Variants in WAC observed in about 807,000 individuals in gnomAD.
The protein encoded by WAC is WW domain-containing adapter protein with coiled-coil.
A neutral mutation model predicts 79.6 loss-of-function variants in WAC; 11 were observed. That is an observed-to-expected ratio of 0.14 (90% CI 0.09 to 0.23). The LOEUF (loss-of-function observed/expected upper bound fraction) is 0.23, where lower values mean the gene tolerates loss of function less well. Ranked by LOEUF, WAC falls within the 10% of genes least tolerant of loss-of-function variation. WAC has a pLI of 1.00. For missense variants in WAC, 728 were observed against 773.5 expected (o/e 0.94, Z 0.70); for synonymous variants, 304 against 276.9 (o/e 1.10, Z -0.97).
At position 28,611,258 on chromosome 10, in the gene WAC, T is replaced by G. The variant is rs763762988; in HGVS notation, c.1288+437T>G. 8 of 1,292,698 alleles carry G rather than the reference T, an allele frequency of 6.2e-6. No homozygotes were observed. The South Asian group carries it at 9.9e-5, about 16-fold the overall frequency. The allele number at this position is 1,292,698 out of a possible 1,614,324, so 80.1% of individuals were successfully genotyped here. Reference sequence around the variant, plus strand: ...CTCATTTTCTGCCTTGAATTAGATATCCCTCTTCATGAAGGTATCCAAATG... The same window carrying G: ...CTCATTTTCTGCCTTGAATTAGATAGCCCTCTTCATGAAGGTATCCAAATG... On this transcript the variant is annotated intron_variant, in intron 9 of 13. Coordinates refer to ENST00000354911, the MANE Select transcript of WAC (RefSeq NM_016628.5).
rs1266255645 is a variant in WAC at position 28,622,991 on chromosome 10, GTAAT to G, written c.*3386_*3389del. The G allele has an allele frequency of 1.3e-5, 2 of 152,142 alleles. No individual in the cohort carries two copies. Among genetic ancestry groups the G allele is most frequent in the African/African-American group, 4.8e-5 (2 of 41,422 alleles). The allele number at this position is 152,142 out of a possible 1,614,324, so 9.4% of individuals were successfully genotyped here. A position where few individuals can be genotyped will look rare whatever the true frequency, so the allele number is the denominator to read the frequency against. On this transcript the variant is annotated 3_prime_UTR_variant, in exon 14 of 14. Transcript: ENST00000354911. ...GGAGTGTACAAAATGACACTGAAAAGTAATAAATATGTTTTGACTATATTGTGCA... is the reference window on the plus strand; with the variant it reads ...GGAGTGTACAAAATGACACTGAAAAGAAATATGTTTTGACTATATTGTGCA...
At chr10:28,576,450 A>ATT (rs921183197) in intron 3 of WAC, among the ~76,000 whole-genome samples, 2 of 152,220 alleles carry the variant, frequency 1.3e-5, no homozygotes, top group African/African-American at 4.8e-5. Flanking sequence ...AGGCAGATGT[A>ATT]TTATATATAT....
chr10:28,598,709 A>C (rs1026673451), intron 7 of WAC, among the ~76,000 whole-genome samples: 1 of 152,190 alleles, frequency 6.6e-6, no homozygotes, highest in Admixed American at 6.5e-5. Context: ...TCTTTCCTCA[A>C]AACCAAATGT....
At chr10:28,609,985 G>A (rs1201255063) in intron 8 of WAC, among the ~76,000 whole-genome samples, 2 of 137,574 alleles carry the variant, frequency 1.5e-5, no homozygotes, top group Admixed American at 7.9e-5. Flanking sequence ...AGGCTGGAGT[G>A]CAGTGGTGCA....
chr10:28,556,529 T>G (rs1289409554), intron 3 of WAC, among the ~76,000 whole-genome samples: 4 of 151,870 alleles, frequency 2.6e-5, no homozygotes, highest in African/African-American at 4.8e-5. Context: ...TTGTTGATTT[T>G]TTTCTTTTTT....
rs1036314845 is a variant in WAC, at chr10:28,620,932, G to A, written c.*1326G>A. The A allele has an allele frequency of 6.6e-6, 1 of 152,062 alleles. No homozygotes were observed. The highest frequency in any genetic ancestry group is 1.5e-5 in the Non-Finnish European group (1 of 68,018). 9.4% of individuals were successfully genotyped at this position (152,062 alleles called of 1,614,324 possible). Reference sequence around the variant, plus strand: ...TGTTATCTGGAAATAGCAGGAAAGCGCAGCTTTGTATATTGTTTCCTAAAG... The same window carrying A: ...TGTTATCTGGAAATAGCAGGAAAGCACAGCTTTGTATATTGTTTCCTAAAG... On this transcript the variant is annotated 3_prime_UTR_variant, in exon 14 of 14. Coordinates refer to ENST00000354911, the MANE Select transcript of WAC (RefSeq NM_016628.5).
chr10:28,541,869 GTGTT>G (rs1837071456), intron 3 of WAC, among the ~76,000 whole-genome samples: 1 of 152,062 alleles, frequency 6.6e-6, no homozygotes, highest in African/African-American at 2.4e-5. Context: ...GAGCCCCCTA[GTGTT>G]CCCGAGTCCA....
chr10:28,606,013 T>C (rs1840923560), intron 7 of WAC, among the ~76,000 whole-genome samples: 1 of 151,854 alleles, frequency 6.6e-6, no homozygotes. Context: ...TGCTCTATAA[T>C]TGATTGCCCC....
chr10:28,605,359 G>A (rs1048137942), intron 7 of WAC, among the ~76,000 whole-genome samples: 74 of 152,300 alleles, frequency 4.9e-4, no homozygotes, highest in African/African-American at 1.8e-3. Flanking sequence ...AGTAAATGTG[G>A]CTTGGAGCCC....
chr10:28,543,763 C>T (rs1223793835), intron 3 of WAC, among the ~76,000 whole-genome samples: 1 of 152,144 alleles, frequency 6.6e-6, no homozygotes, highest in African/African-American at 2.4e-5. Context: ...AGAAAGTCAC[C>T]TTGTATCTTC....
chr10:28,534,199 G>A, intron 2 of WAC, 165 bp downstream of exon 2: 1 of 601,902 alleles, frequency 1.7e-6, no homozygotes, highest in Non-Finnish European at 2.8e-6. Context: ...TTCCTTTAGC[G>A]CTCTCCAGCA....
chr10:28,600,074 A>T (rs951497241), intron 7 of WAC, among the ~76,000 whole-genome samples: 5 of 152,288 alleles, frequency 3.3e-5, no homozygotes, highest in Non-Finnish European at 7.4e-5. Context: ...AGGAGAGTTT[A>T]ATATCCTTAT....
intron 3 of WAC, among the ~76,000 whole-genome samples, chr10:28,545,294 C>T (rs546026705): frequency 3.7e-4 from 56 of 152,064 alleles, no homozygotes; most frequent in Middle Eastern, 3.4e-3. Context: ...GAGAGACCAG[C>T]CTGACCAATG....
At chr10:28,592,032 G>T (rs987941459) in intron 6 of WAC, among the ~76,000 whole-genome samples, 1 of 152,060 alleles carries the variant, frequency 6.6e-6, no homozygotes, top group Non-Finnish European at 1.5e-5. Flanking sequence ...TTTGATGGGA[G>T]AAAATATTTA....
At chr10:28,564,029 C>A (rs1385289337) in intron 3 of WAC, among the ~76,000 whole-genome samples, 1 of 151,994 alleles carries the variant, frequency 6.6e-6, no homozygotes, top group African/African-American at 2.4e-5. Flanking sequence ...GTAACCCCAG[C>A]ACTTTGGGAA....
At chr10:28,557,348 A>G (rs1021142943) in intron 3 of WAC, among the ~76,000 whole-genome samples, 3 of 152,200 alleles carry the variant, frequency 2.0e-5, no homozygotes, top group African/African-American at 4.8e-5. Context: ...GTCATTAGCT[A>G]TATAAAGGAT....
intron 3 of WAC, among the ~76,000 whole-genome samples, chr10:28,556,243 A>G (rs1210269322): frequency 6.6e-6 from 1 of 152,094 alleles, no homozygotes; most frequent in African/African-American, 2.4e-5. Context: ...TTTTTTCCAT[A>G]ATAGCCATCC....
chr10:28,595,984 T>G lies in WAC; in HGVS notation c.862T>G (p.Leu288Val). The change falls in exon 7 of 14, where the codon TTA becomes GTA. Residue 288 changes from leucine (L) to valine (V), a missense_variant. By Grantham distance (32) the Leu-to-Val change is conservative (BLOSUM62 1). Coordinates refer to ENST00000354911, the MANE Select transcript of WAC (RefSeq NM_016628.5). ...ATTTGATGCTAATGGAGCATCTACT[T>G]TATCAAAACTGCCTACACCCACATC... is the stretch of plus-strand genomic sequence containing the variant. ...KSFDANGAST[L>V]SKLPTPTSSV... 6.2e-7 allele frequency: 1 copy of G among 1,614,144 alleles called. No homozygotes were observed. Among genetic ancestry groups the G allele is most frequent in the South Asian group, 1.1e-5 (1 of 91,084 alleles).
chr10:28,534,409 G>T (rs78152578), intron 2 of WAC: 3,654 of 211,940 alleles, frequency 0.017, 148 homozygotes, highest in African/African-American at 0.077. Context: ...TAATGTAAAG[G>T]TATTAAAATT....
Sources: allele counts gnomAD v4.1 joint callset (sites outside exome capture counted in the v4.1 genomes callset), GRCh38; gene constraint gnomAD v4.1.1; transcripts MANE v1.5; gene names NCBI Gene and HGNC (gene_info 2026-07-23, HGNC 2026-07-21).